Variants in SDR42E2 observed in about 807,000 individuals in gnomAD.
The protein encoded by SDR42E2 is short chain dehydrogenase/reductase family 42E, member 2.
In SDR42E2, 20 loss-of-function variants were observed where a neutral mutation model predicts 10.5. That is an observed-to-expected ratio of 1.90 (90% CI 1.34 to 2.77). The LOEUF (loss-of-function observed/expected upper bound fraction) is 2.77. Ranked by LOEUF, SDR42E2 falls within the 30% of genes most tolerant of loss-of-function variation. The pLI, the probability that SDR42E2 is intolerant of heterozygous loss-of-function variation, is 0.00. For synonymous variants in SDR42E2, 72 were observed against 39.2 expected (o/e 1.84, Z -3.12); for missense variants, 162 against 104.2 (o/e 1.55, Z -2.42).
chr16:22,181,921 A>G (rs1424003531), intron 9 of SDR42E2, among the ~76,000 whole-genome samples: 2 of 152,162 alleles, frequency 1.3e-5, no homozygotes, highest in Non-Finnish European at 2.9e-5. Context: ...GCCTCCACAC[A>G]TATTGTCGCA....
At position 22,191,347 on chromosome 16, in the gene SDR42E2, C is replaced by G. The variant is rs2046774015; in HGVS notation, c.*954C>G. The G allele has an allele frequency of 6.5e-6, 1 of 152,866 alleles. No individual in the cohort carries two copies. The highest frequency in any genetic ancestry group is 1.5e-5 in the Non-Finnish European group (1 of 68,344). The allele number at this position is 152,866 out of a possible 1,614,324, so 9.5% of individuals were successfully genotyped here. Reference sequence around the variant, plus strand: ...TGTAATTGAGTCCTGGCCCCGCCCCCTCCCTCTCTGGCTTCACCCCTTTCC... The same window carrying G: ...TGTAATTGAGTCCTGGCCCCGCCCCGTCCCTCTCTGGCTTCACCCCTTTCC... On this transcript the variant is annotated 3_prime_UTR_variant, in exon 13 of 13. Coordinates refer to ENST00000602312, the MANE Select transcript of SDR42E2 (RefSeq NM_001394319.2).
chr16:22,173,887 G>GTA (rs1457197971), intron 7 of SDR42E2, among the ~76,000 whole-genome samples: 3 of 109,252 alleles, frequency 2.7e-5, no homozygotes, highest in Non-Finnish European at 5.5e-5. Flanking sequence ...TATGGGCTAC[G>GTA]TATATATATG....
chr16:22,190,584 CCTATCT>C lies in SDR42E2; in HGVS notation c.*192_*197del. On this transcript the variant is annotated 3_prime_UTR_variant, in exon 13 of 13. Coordinates refer to ENST00000602312, the MANE Select transcript of SDR42E2 (RefSeq NM_001394319.2). The stretch of plus-strand genomic sequence containing the variant: ...CGGACCGCCGACTTCTGGCCACGCC[CCTATCT>C]ACTCCCAGACCTTGCCTTGCGCCCT... The C allele has an allele frequency of 2.5e-6, 1 of 399,380 alleles. No homozygotes were observed. The highest frequency in any genetic ancestry group is 3.6e-5 in the East Asian group (1 of 27,968). The allele number at this position is 399,380 out of a possible 1,614,324, so 24.7% of individuals were successfully genotyped here.
At chr16:22,184,924 G>A (rs1355310294) in intron 11 of SDR42E2, among the ~76,000 whole-genome samples, 1 of 152,128 alleles carries the variant, frequency 6.6e-6, no homozygotes, top group African/African-American at 2.4e-5. Context: ...TTCACAACTG[G>A]GCTTGGTGGG....
chr16:22,189,968 C>G (rs1181232764), intron 12 of SDR42E2, among the ~76,000 whole-genome samples, 171 bp from the exon 13 acceptor site: 2 of 152,200 alleles, frequency 1.3e-5, no homozygotes, highest in Admixed American at 1.3e-4. Context: ...GAAAGGAAGA[C>G]CTCTCTAATG....
At position 22,170,957 on chromosome 16, in the gene SDR42E2, T is replaced by C; in HGVS notation, c.513+6T>C. ...CATATTTCCCATTGGACGAGGTACC[T>C]GTCTTCCGGGAGAGGTGGGCAGGAC... On this transcript the variant is annotated splice_donor_region_variant and intron_variant, in intron 6 of 12. Coordinates refer to ENST00000602312, the MANE Select transcript of SDR42E2 (RefSeq NM_001394319.2). The C allele has an allele frequency of 1.4e-6, 1 of 702,982 alleles. No individual in the cohort carries two copies. Among genetic ancestry groups the C allele is most frequent in the African/African-American group, 1.7e-5 (1 of 57,372 alleles). 43.5% of individuals were successfully genotyped at this position (702,982 alleles called of 1,614,324 possible).
chr16:22,165,347 C>G (rs1036764128), intron 1 of SDR42E2, among the ~76,000 whole-genome samples, 200 bp from the exon 2 acceptor site: 1 of 152,160 alleles, frequency 6.6e-6, no homozygotes, highest in Non-Finnish European at 1.5e-5. Flanking sequence ...CTCAGCCTCC[C>G]AAACTGCTGG....
chr16:22,169,569 C>T, intron 5 of SDR42E2, 67 bp downstream of exon 5: 1 of 702,794 alleles, frequency 1.4e-6, no homozygotes, highest in Non-Finnish European at 2.6e-6. Context: ...CTGCTGCAGG[C>T]CTGGCTCCCA....
intron 7 of SDR42E2, among the ~76,000 whole-genome samples, chr16:22,173,790 G>A (rs1057114192): frequency 6.6e-6 from 1 of 151,550 alleles, no homozygotes; most frequent in Non-Finnish European, 1.5e-5. Context: ...GGGAGGCGGA[G>A]GTGGGTGGAT....
At chr16:22,172,375 C>T in intron 7 of SDR42E2, 44 bp downstream of exon 7, 1 of 703,516 alleles carries the variant, frequency 1.4e-6, no homozygotes, top group Non-Finnish European at 2.6e-6. Flanking sequence ...CACCTGCCCA[C>T]TGCTGCCTCC....
intron 7 of SDR42E2, among the ~76,000 whole-genome samples, chr16:22,174,461 C>T (rs1255831584): frequency 1.3e-5 from 2 of 152,062 alleles, no homozygotes; most frequent in Non-Finnish European, 2.9e-5. Flanking sequence ...AACACCAGAG[C>T]CTGGGGCCTA....
chr16:22,171,078 A>C, intron 6 of SDR42E2, 127 bp downstream of exon 6: 1 of 655,904 alleles, frequency 1.5e-6, no homozygotes, highest in Non-Finnish European at 2.8e-6. Context: ...AGGGGCTCCC[A>C]AAACTGGGTG....
chr16:22,185,602 G>A (rs1567245569), intron 11 of SDR42E2, among the ~76,000 whole-genome samples: 1 of 152,072 alleles, frequency 6.6e-6, no homozygotes, highest in African/African-American at 2.4e-5. Context: ...TGGGAGGAAA[G>A]CATCAGTATT....
chr16:22,174,195 T>A (rs2046625332), intron 7 of SDR42E2, among the ~76,000 whole-genome samples: 2 of 151,974 alleles, frequency 1.3e-5, no homozygotes, highest in South Asian at 4.2e-4. Context: ...TAGCTGGGCA[T>A]GGCAATGCGT....
chr16:22,172,270 C>T lies in SDR42E2; in HGVS notation c.528C>T (p.Tyr176=), dbSNP rs1457592665. The change falls in exon 7 of 13, where the codon TAC becomes TAT. Residue 176 remains tyrosine, a synonymous_variant. Transcript: ENST00000602312. ...YFPLDEHVDH[Y]SRTKAIADQL... ...GCCTCTGGCAGCACGTAGACCACTACTCCCGAACCAAAGCCATCGCCGACC... is the reference window on the plus strand; with the variant it reads ...GCCTCTGGCAGCACGTAGACCACTATTCCCGAACCAAAGCCATCGCCGACC... The T allele has an allele frequency of 7.1e-6, 5 of 703,170 alleles. No homozygotes were observed. The highest frequency in any genetic ancestry group is 4.0e-5 in the Admixed American group (2 of 50,024). 43.6% of individuals were successfully genotyped at this position (703,170 alleles called of 1,614,324 possible). A position where few individuals can be genotyped will look rare whatever the true frequency, so the allele number is the denominator to read the frequency against.
At chr16:22,178,578 G>A (rs2046665702) in intron 8 of SDR42E2, among the ~76,000 whole-genome samples, 1 of 152,140 alleles carries the variant, frequency 6.6e-6, no homozygotes, top group Non-Finnish European at 1.5e-5. Context: ...AGCCTCTAAA[G>A]GGTCGGGTGC....
intron 4 of SDR42E2, among the ~76,000 whole-genome samples, chr16:22,167,582 T>C (rs2046554551): frequency 6.6e-6 from 1 of 152,184 alleles, no homozygotes; most frequent in South Asian, 2.1e-4. Flanking sequence ...TTACTATTGG[T>C]AATATCACAA....
intron 8 of SDR42E2, among the ~76,000 whole-genome samples, chr16:22,180,396 T>C (rs2046682632): frequency 6.6e-6 from 1 of 151,822 alleles, no homozygotes; most frequent in African/African-American, 2.4e-5. Flanking sequence ...GGAGACTCTA[T>C]CTCTAAAAAT....
intron 12 of SDR42E2, among the ~76,000 whole-genome samples, chr16:22,187,303 G>A (rs905367989): frequency 1.3e-5 from 2 of 152,172 alleles, no homozygotes; most frequent in African/African-American, 4.8e-5. Context: ...GTCCAGGCTG[G>A]TTTCAAACTC....
Sources: gnomAD v4.1 joint callset for allele counts (sites outside exome capture counted in the v4.1 genomes callset) on GRCh38, gnomAD v4.1.1 for gene constraint, MANE v1.5 for transcripts, NCBI Gene and HGNC (gene_info 2026-07-23, HGNC 2026-07-21) for gene names.